Variants in KIF26B observed in about 807,000 individuals in gnomAD.
KIF26B encodes the protein kinesin-like protein KIF26B.
KIF26B carries 63 observed loss-of-function variants against 151.2 expected under a neutral mutation model. That is an observed-to-expected ratio of 0.42 (90% CI 0.34 to 0.51). The LOEUF (loss-of-function observed/expected upper bound fraction) is 0.51. KIF26B is among the 20% of genes least tolerant of loss of function. The pLI is 0.07. For missense variants in KIF26B, 2,813 were observed against 2,913.6 expected (o/e 0.97, Z 0.79); for synonymous variants, 1,357 against 1,262.1 (o/e 1.08, Z -1.59).
Position 245,394,444 on chromosome 1 carries a change from G to A in KIF26B, c.1000-25135G>A, listed in dbSNP as rs1441130653. On this transcript the variant is annotated intron_variant, in intron 3 of 14. Coordinates refer to ENST00000407071, the MANE Select transcript of KIF26B (RefSeq NM_018012.4). ...TCAAGACAAACCTGGCCAACATGGT[G>A]AAATCCCATCTGTACTAAAAATATA... Among the ~76,000 whole-genome samples the A allele has an allele frequency of 4.6e-5, 7 of 152,172 alleles. No homozygotes were observed. The South Asian group carries it at 6.2e-4, about 14-fold the overall frequency.
At chr1:245,658,695 C>G (rs1397304598) in intron 10 of KIF26B, among the ~76,000 whole-genome samples, 1 of 152,066 alleles carries the variant, frequency 6.6e-6, no homozygotes, top group African/African-American at 2.4e-5. Context: ...CCCAGCCAAT[C>G]AGTTTTCCAT....
intron 4 of KIF26B, among the ~76,000 whole-genome samples, chr1:245,503,370 A>G (rs1379245369): frequency 3.3e-5 from 5 of 152,214 alleles, no homozygotes; most frequent in African/African-American, 1.2e-4. Flanking sequence ...ACCACCCTGT[A>G]TATACCACAT....
At chr1:245,172,576 G>A (rs556643473) in intron 2 of KIF26B, among the ~76,000 whole-genome samples, 25 of 152,262 alleles carry the variant, frequency 1.6e-4, no homozygotes, top group East Asian at 5.8e-4. Context: ...TTAGGAGGCC[G>A]AGGCGGGCAG....
intron 2 of KIF26B, among the ~76,000 whole-genome samples, chr1:245,257,611 G>A (rs1410551810): frequency 1.3e-5 from 2 of 152,214 alleles, no homozygotes; most frequent in Non-Finnish European, 1.5e-5. Flanking sequence ...CTGCACATCA[G>A]CCTGGAGGAA....
intron 5 of KIF26B, among the ~76,000 whole-genome samples, chr1:245,549,785 TTC>T (rs2103108298): frequency 7.6e-6 from 1 of 130,998 alleles, no homozygotes; most frequent in South Asian, 2.3e-4. Flanking sequence ...TTCCGATACA[TTC>T]TTTTTTTTTT....
intron 12 of KIF26B, among the ~76,000 whole-genome samples, chr1:245,694,582 A>G (rs965737178): frequency 1.3e-5 from 2 of 152,246 alleles, no homozygotes; most frequent in Admixed American, 6.5e-5. Context: ...GGATGTTAAG[A>G]GTAGAAGGCC....
chr1:245,169,334 T>TGGGTGTGTGTGG (rs752167803), intron 2 of KIF26B, among the ~76,000 whole-genome samples: 2 of 147,222 alleles, frequency 1.4e-5, no homozygotes, highest in Admixed American at 1.4e-4. Context: ...CCATGGTGTG[T>TGGGTGTGTGTGG]GTGTGTGTGT....
intron 3 of KIF26B, among the ~76,000 whole-genome samples, chr1:245,387,170 TTTTTG>T (rs1462386871): frequency 1.5e-4 from 22 of 146,142 alleles, no homozygotes; most frequent in South Asian, 4.2e-4. Context: ...TGTTTTTTGT[TTTTTG>T]TTTTTTGAGA....
intron 12 of KIF26B, among the ~76,000 whole-genome samples, chr1:245,695,788 ACGGG>A: frequency 6.7e-6 from 1 of 149,634 alleles, no homozygotes; most frequent in Non-Finnish European, 1.5e-5. Context: ...GTGCCCTGGC[ACGGG>A]TATTGGCAGG....
At chr1:245,670,408 G>A (rs534056271) in intron 10 of KIF26B, among the ~76,000 whole-genome samples, 1 of 151,584 alleles carries the variant, frequency 6.6e-6, no homozygotes, top group African/African-American at 2.4e-5. Flanking sequence ...TGTAAGTTTA[G>A]AGTGTAGTAT....
chr1:245,548,744 A>ATTTT (rs1186893231), intron 5 of KIF26B, among the ~76,000 whole-genome samples: 1 of 108,570 alleles, frequency 9.2e-6, no homozygotes, highest in Non-Finnish European at 2.0e-5. Flanking sequence ...CCATTTTGCA[A>ATTTT]CTTTTTTTTT....
intron 2 of KIF26B, among the ~76,000 whole-genome samples, chr1:245,269,282 C>T (rs1411120555): frequency 3.6e-5 from 5 of 140,482 alleles, no homozygotes; most frequent in African/African-American, 1.3e-4. Context: ...ACCCAACGGC[C>T]CCTCTCCCCC....
chr1:245,626,456 T>A (rs913872074), intron 9 of KIF26B, among the ~76,000 whole-genome samples: 4 of 151,990 alleles, frequency 2.6e-5, no homozygotes, highest in African/African-American at 9.7e-5. Flanking sequence ...TGAAATTATA[T>A]CTCATTGTGG....
chr1:245,562,493 TATGCACACCG>T (rs1558215950), intron 5 of KIF26B, among the ~76,000 whole-genome samples: 2 of 151,986 alleles, frequency 1.3e-5, no homozygotes, highest in Non-Finnish European at 2.9e-5. Flanking sequence ...TCCCAGTTTG[TATGCACACCG>T]ATTTCCCCAC....
chr1:245,243,471 C>CACACACACAT (rs1212157430), intron 2 of KIF26B, among the ~76,000 whole-genome samples: 2 of 150,156 alleles, frequency 1.3e-5, no homozygotes, highest in East Asian at 3.9e-4. Flanking sequence ...CACACACACA[C>CACACACACAT]ATATATATAT....
chr1:245,680,433 C>T (rs1354295851), intron 10 of KIF26B, among the ~76,000 whole-genome samples: 3 of 152,140 alleles, frequency 2.0e-5, no homozygotes, highest in Non-Finnish European at 4.4e-5. Context: ...TTAAAAAAAT[C>T]GCCGTAAACA....
At chr1:245,608,861 C>T (rs1037621621) in intron 7 of KIF26B, among the ~76,000 whole-genome samples, 5 of 152,056 alleles carry the variant, frequency 3.3e-5, no homozygotes, top group African/African-American at 1.2e-4. Context: ...AAGTGATCCT[C>T]TCGCCTCAGC....
chr1:245,535,176 C>A (rs1364916338), intron 4 of KIF26B, among the ~76,000 whole-genome samples: 1 of 152,150 alleles, frequency 6.6e-6, no homozygotes, highest in Non-Finnish European at 1.5e-5. Flanking sequence ...TTAACCTTCT[C>A]TTCTCTGTGT....
rs561795064 is a variant in KIF26B at position 245,597,415 on chromosome 1, C to A, written c.1351-5162C>A. Among the ~76,000 whole-genome samples the A allele has an allele frequency of 4.2e-4, 64 of 152,254 alleles. No homozygotes were observed. Among genetic ancestry groups the A allele is most frequent in the Non-Finnish European group, 6.9e-4 (47 of 68,034 alleles). On this transcript the variant is annotated intron_variant, in intron 5 of 14. Transcript: ENST00000407071. The surrounding 1 kb of genome is among the most constrained non-coding windows in gnomAD (Gnocchi z 4.6). ...GCTTAGTTTGGCTGGATATGAAATTCTGGGTTGAAAATTCTTTAAGAGTGT... is the reference window on the plus strand; with the variant it reads ...GCTTAGTTTGGCTGGATATGAAATTATGGGTTGAAAATTCTTTAAGAGTGT...
Sources: allele counts gnomAD v4.1 joint callset (sites outside exome capture counted in the v4.1 genomes callset), GRCh38; gene constraint gnomAD v4.1.1; non-coding constraint Gnocchi (gnomAD v3.1); transcripts MANE v1.5; gene names NCBI Gene and HGNC (gene_info 2026-07-23, HGNC 2026-07-21).